TMEM128: variants seen among roughly 807,000 people sequenced by gnomAD.
TMEM128 encodes transmembrane protein 128.
A neutral mutation model predicts 19.7 loss-of-function variants in TMEM128; 16 were observed. The observed-to-expected ratio is 0.81, with a 90% CI of 0.55 to 1.23. The LOEUF (loss-of-function observed/expected upper bound fraction) is 1.23. Ranked by LOEUF, TMEM128 falls within the 50% of genes most tolerant of loss-of-function variation. The pLI is 0.00. For missense variants in TMEM128, 237 were observed against 200.8 expected, an observed-to-expected ratio of 1.18 and a Z score of -1.09; for synonymous variants, 98 against 75.8, an observed-to-expected ratio of 1.29 and a Z score of -1.52.
chr4:4,240,620 T>A, intron 2 of TMEM128, 141 bp from the exon 3 acceptor site: 3 of 903,692 alleles, frequency 3.3e-6, no homozygotes, highest in Non-Finnish European at 4.9e-6. Flanking sequence ...CAATCCATGC[T>A]TTCAGAAAGT....
intron 2 of TMEM128, 77 bp downstream of exon 2, chr4:4,246,125 T>C: frequency 6.8e-7 from 1 of 1,473,560 alleles, no homozygotes; most frequent in Non-Finnish European, 9.2e-7. Flanking sequence ...GCTTACTGTT[T>C]GAAGAATTCA....
intron 2 of TMEM128, 58 bp downstream of exon 2, chr4:4,246,144 A>C (rs867370742): frequency 2.6e-6 from 4 of 1,540,996 alleles, no homozygotes; most frequent in Middle Eastern, 2.1e-4. Context: ...CAACTAACAA[A>C]ATATAACACG....
intron 2 of TMEM128, among the ~76,000 whole-genome samples, chr4:4,244,971 G>A (rs1289214863): frequency 6.6e-6 from 1 of 152,084 alleles, no homozygotes; most frequent in Non-Finnish European, 1.5e-5. Flanking sequence ...TTTCCCCTGT[G>A]GGCTTTTTCC....
intron 1 of TMEM128, 35 bp downstream of exon 1, chr4:4,248,071 C>A (rs1718271481): frequency 6.5e-7 from 1 of 1,534,590 alleles, no homozygotes; most frequent in Admixed American, 2.0e-5. Flanking sequence ...CGCCTCGCCT[C>A]TGAGAACCTC....
chr4:4,246,390 G>A (rs200029482), intron 1 of TMEM128, 47 bp from the exon 2 acceptor site: 46 of 1,563,424 alleles, frequency 2.9e-5, no homozygotes, highest in Admixed American at 8.2e-5. Flanking sequence ...ACAATTTTGC[G>A]AGGAAAAATT....
chr4:4,238,550 C>G (rs1717817397), intron 3 of TMEM128, among the ~76,000 whole-genome samples: 1 of 152,074 alleles, frequency 6.6e-6, no homozygotes, highest in Admixed American at 6.6e-5. Flanking sequence ...TCACAAATCA[C>G]ACTGTCTAAA....
rs558856304 is a variant in TMEM128 at position 4,243,608 on chromosome 4, T to C, written c.239+2594A>G. ...TTCAATACCCCCCAACTCCCCTTAA[T>C]GAGTCCTTCCCAAGAAAACAATGCG... On this transcript the variant is annotated intron_variant, in intron 2 of 4. Coordinates refer to ENST00000382753, the MANE Select transcript of TMEM128 (RefSeq NM_001297551.2). Among the ~76,000 whole-genome samples, 93 of 152,282 alleles carry C rather than the reference T, an allele frequency of 6.1e-4. 1 individual carries two copies. Among genetic ancestry groups the C allele is most frequent in the South Asian group, 3.1e-3 (15 of 4,824 alleles).
intron 3 of TMEM128, among the ~76,000 whole-genome samples, chr4:4,239,398 T>C (rs879205552): frequency 1.4e-5 from 2 of 138,300 alleles, no homozygotes; most frequent in African/African-American, 4.9e-5. Flanking sequence ...TGTACCATTA[T>C]GGAAGAATCC....
intron 1 of TMEM128, chr4:4,247,585 A>G (rs752606954): frequency 2.5e-6 from 4 of 1,614,196 alleles, no homozygotes; most frequent in Non-Finnish European, 3.4e-6. Flanking sequence ...ACAGGTGAAC[A>G]TACATCACAA....
intron 1 of TMEM128, among the ~76,000 whole-genome samples, 183 bp from the exon 2 acceptor site, chr4:4,246,526 T>C (rs111922959): frequency 5.3e-5 from 8 of 152,312 alleles, no homozygotes; most frequent in African/African-American, 1.4e-4. Flanking sequence ...CTATAAAATA[T>C]GGTCAATACA....
At chr4:4,237,073 G>T (rs1032623756) in intron 4 of TMEM128, 1 of 455,682 alleles carries the variant, frequency 2.2e-6, no homozygotes, top group Non-Finnish European at 4.4e-6. Flanking sequence ...TCAGGATGGG[G>T]TGATCTGTAG....
rs376160344 is a variant in TMEM128 at position 4,246,375 on chromosome 4, T to C, written c.98-32A>G. 26 of 1,571,928 alleles carry C rather than the reference T, an allele frequency of 1.7e-5. No homozygotes were observed. In the African/African-American group the frequency reaches 3.3e-4, roughly 20 times the overall value. On this transcript the variant is annotated intron_variant, in intron 1 of 4. Transcript: ENST00000382753. The stretch of plus-strand genomic sequence containing the variant: ...ATAAGGGAGATTTCAACTTATTAAG[T>C]TACCACAATTTTGCGAGGAAAAATT...
At chr4:4,246,093 G>A (rs1718157853) in intron 2 of TMEM128, 109 bp downstream of exon 2, 1 of 1,139,188 alleles carries the variant, frequency 8.8e-7, no homozygotes, top group East Asian at 2.5e-5. Context: ...TCCAACACAG[G>A]GCCTGGCAGA....
intron 2 of TMEM128, among the ~76,000 whole-genome samples, chr4:4,243,305 A>C (rs891278149): frequency 6.6e-6 from 1 of 152,002 alleles, no homozygotes; most frequent in Non-Finnish European, 1.5e-5. Context: ...GATGGTCTCG[A>C]TCTCCTGACC....
At chr4:4,237,431 C>T (rs2108814103) in intron 4 of TMEM128, among the ~76,000 whole-genome samples, 1 of 152,262 alleles carries the variant, frequency 6.6e-6, no homozygotes, top group Non-Finnish European at 1.5e-5. Flanking sequence ...GTCTCAGCCC[C>T]CAACCCCCGC....
intron 2 of TMEM128, among the ~76,000 whole-genome samples, chr4:4,245,539 T>C (rs1438512676): frequency 6.6e-6 from 1 of 152,134 alleles, no homozygotes; most frequent in African/African-American, 2.4e-5. Context: ...TTCTCCCTCT[T>C]TTCCCCAAAT....
intron 4 of TMEM128, 73 bp downstream of exon 4, chr4:4,237,754 T>C (rs1194813276): frequency 1.2e-6 from 1 of 835,030 alleles, no homozygotes; most frequent in Admixed American, 2.0e-5. Flanking sequence ...TACAGCTCCA[T>C]CCACTGAAAA....
At chr4:4,236,389 C>T (rs761220915) in intron 4 of TMEM128, 133 bp from the exon 5 acceptor site, 5 of 151,962 alleles carry the variant, frequency 3.3e-5, no homozygotes, top group Non-Finnish European at 5.9e-5. Context: ...CTGTAATCTA[C>T]AACATTGTCT....
At position 4,248,163 on chromosome 4, in the gene TMEM128, A is replaced by G; in HGVS notation, c.40T>C (p.Phe14Leu). 1 of 1,533,558 alleles carries G rather than the reference A, an allele frequency of 6.5e-7. No individual in the cohort carries two copies. The highest frequency in any genetic ancestry group is 8.8e-7 in the Non-Finnish European group (1 of 1,141,334). 95.0% of individuals were successfully genotyped at this position (1,533,558 alleles called of 1,614,324 possible). A position where few individuals can be genotyped will look rare whatever the true frequency, so the allele number is the denominator to read the frequency against. Residue 14 changes from phenylalanine (F) to leucine (L), a missense_variant, in exon 1 of 5, where the codon TTC becomes CTC. By Grantham distance (22) the Phe-to-Leu change is conservative (BLOSUM62 0). Transcript: ENST00000382753. ...SRARQQLRRR[F>L]LLLPDAEAQL... ...GCCTCGGCGTCCGGCAGGAGGAGGA[A>G]TCGCCGCCGGAGCTGCTGCCGGGCC...
Sources: gnomAD v4.1 joint callset for allele counts (sites outside exome capture counted in the v4.1 genomes callset) on GRCh38, gnomAD v4.1.1 for gene constraint, MANE v1.5 for transcripts, NCBI Gene and HGNC (gene_info 2026-07-23, HGNC 2026-07-21) for gene names.